HSD17B4: variants seen among roughly 807,000 people sequenced by gnomAD.
HSD17B4 encodes hydroxysteroid 17-beta dehydrogenase 4, also known as peroxisomal multifunctional enzyme type 2.
In HSD17B4, 70 loss-of-function variants were observed where a neutral mutation model predicts 101.0. That is an observed-to-expected ratio of 0.69 (90% CI 0.57 to 0.85). The LOEUF is 0.85. Among genes scored for constraint, HSD17B4 ranks in the 40% least tolerant of loss-of-function variants. The pLI is 0.00. For synonymous variants in HSD17B4, 347 were observed against 297.1 expected, an observed-to-expected ratio of 1.17 and a Z score of -1.73; for missense variants, 984 against 892.4, an observed-to-expected ratio of 1.10 and a Z score of -1.31.
chr5:119,541,665 G>A (rs1004462818), intron 23 of HSD17B4, among the ~76,000 whole-genome samples: 1 of 152,180 alleles, frequency 6.6e-6, no homozygotes, highest in South Asian at 2.1e-4. Context: ...AGATCCATGA[G>A]TTCAGATAAA....
chr5:119,466,054 A>G (rs1188983020), intron 2 of HSD17B4, among the ~76,000 whole-genome samples: 1 of 152,208 alleles, frequency 6.6e-6, no homozygotes, highest in East Asian at 1.9e-4. Context: ...ATGTTACCAC[A>G]TGCTTTCTCT....
intron 21 of HSD17B4, among the ~76,000 whole-genome samples, chr5:119,530,678 C>G (rs1049063108): frequency 6.6e-6 from 1 of 151,196 alleles, no homozygotes; most frequent in African/African-American, 2.4e-5. Context: ...CATGGTGAGA[C>G]TCCATCTCTA....
chr5:119,460,022 C>T (rs1035978554), intron 2 of HSD17B4, among the ~76,000 whole-genome samples: 2 of 152,026 alleles, frequency 1.3e-5, no homozygotes. Context: ...AGGTGCCTGC[C>T]ACCGTGCCCA....
rs548091069 is a variant in HSD17B4 at position 119,483,004 on chromosome 5, A to G, written c.622+3983A>G. Among the ~76,000 whole-genome samples, 229 of 152,062 alleles carry G rather than the reference A, an allele frequency of 1.5e-3. 1 individual carries two copies. The highest frequency in any genetic ancestry group is 5.4e-3 in the African/African-American group (223 of 41,492). On this transcript the variant is annotated intron_variant, in intron 8 of 23. Coordinates refer to ENST00000510025, the MANE Select transcript of HSD17B4 (RefSeq NM_000414.4). ...CCCTAGGTCAGACAAGGCTCTGGTA[A>G]AGTAGTTTCTCTTCAGAGCAGGCCT...
intron 17 of HSD17B4, among the ~76,000 whole-genome samples, chr5:119,523,004 CAA>C (rs1426016156): frequency 1.3e-5 from 2 of 151,664 alleles, no homozygotes; most frequent in Non-Finnish European, 2.9e-5. Flanking sequence ...AGAGGGTGCT[CAA>C]AAGTTAGCAC....
rs182457128 is a variant in HSD17B4 at position 119,525,415 on chromosome 5, C to T, written c.1573+130C>T. 1.1e-4 allele frequency: 76 copies of T among 697,634 alleles called. No homozygotes were observed. The African/African-American group carries it at 1.3e-3, about 12-fold the overall frequency. 43.2% of individuals were successfully genotyped at this position (697,634 alleles called of 1,614,324 possible). A position where few individuals can be genotyped will look rare whatever the true frequency, so the allele number is the denominator to read the frequency against. On this transcript the variant is annotated intron_variant, in intron 18 of 23. Coordinates refer to ENST00000510025, the MANE Select transcript of HSD17B4 (RefSeq NM_000414.4). ...TAAAAAAATGTTATTTTATTTATTA[C>T]ATTTATGCAAAGGATATGGAAAGGT...
At chr5:119,525,379 T>G in intron 18 of HSD17B4, 94 bp downstream of exon 18, 1 of 788,250 alleles carries the variant, frequency 1.3e-6, no homozygotes, top group Non-Finnish European at 2.2e-6. Context: ...ACTGGTAGTT[T>G]GAGTAGCATT....
At chr5:119,462,754 G>T (rs1755393287) in intron 2 of HSD17B4, among the ~76,000 whole-genome samples, 1 of 151,988 alleles carries the variant, frequency 6.6e-6, no homozygotes, top group Non-Finnish European at 1.5e-5. Context: ...TATTTATGGG[G>T]TACAGTGTGA....
intron 8 of HSD17B4, among the ~76,000 whole-genome samples, chr5:119,481,936 C>G (rs558409475): frequency 1.1e-4 from 16 of 152,068 alleles, no homozygotes; most frequent in African/African-American, 2.9e-4. Flanking sequence ...TGTCTTCTTC[C>G]AAGATTTTCT....
At chr5:119,510,783 C>T (rs994340499) in intron 16 of HSD17B4, among the ~76,000 whole-genome samples, 2 of 152,144 alleles carry the variant, frequency 1.3e-5, no homozygotes, top group Admixed American at 6.5e-5. Flanking sequence ...GAAACTGTAC[C>T]CCAGGCGTTT....
chr5:119,540,158 T>C (rs778779673), intron 23 of HSD17B4, among the ~76,000 whole-genome samples: 1 of 152,184 alleles, frequency 6.6e-6, no homozygotes, highest in Non-Finnish European at 1.5e-5. Flanking sequence ...TATGGCAGTT[T>C]ATAGTCTTAC....
Position 119,452,889 on chromosome 5 carries a change from G to C in HSD17B4, c.58+256G>C, listed in dbSNP as rs1175152087. ...AGGTCCTGCCTGAGAGGAGAGGCCA[G>C]GCTGGGCTGCTGATTGCAAAACTGG... On this transcript the variant is annotated intron_variant, in intron 1 of 23. Coordinates refer to ENST00000510025, the MANE Select transcript of HSD17B4 (RefSeq NM_000414.4). 5.2e-6 allele frequency: 8 copies of C among 1,527,362 alleles called. No homozygotes were observed. The African/African-American group carries it at 9.6e-5, about 18-fold the overall frequency. The allele number at this position is 1,527,362 out of a possible 1,614,324, so 94.6% of individuals were successfully genotyped here.
At chr5:119,495,702 G>T (rs1388684524) in intron 11 of HSD17B4, 2 of 187,288 alleles carry the variant, frequency 1.1e-5, no homozygotes, top group Non-Finnish European at 2.3e-5. Flanking sequence ...ACAGAGTCTT[G>T]TTCTGTCTCC....
rs532217315 is a variant in HSD17B4 at position 119,525,347 on chromosome 5, T to C, written c.1573+62T>C. 7.4e-5 allele frequency: 75 copies of C among 1,009,128 alleles called. No individual in the cohort carries two copies. The African/African-American group carries it at 1.1e-3, about 15-fold the overall frequency. The allele number at this position is 1,009,128 out of a possible 1,614,324, so 62.5% of individuals were successfully genotyped here. On this transcript the variant is annotated intron_variant, in intron 18 of 23. Coordinates refer to ENST00000510025, the MANE Select transcript of HSD17B4 (RefSeq NM_000414.4). ...AGCTATTCGATATTTAATTAAATAA[T>C]GTAAAGACACTACTACTTATGACTG...
chr5:119,525,118 A>G, intron 17 of HSD17B4, 98 bp from the exon 18 acceptor site: 1 of 778,346 alleles, frequency 1.3e-6, no homozygotes, highest in Non-Finnish European at 2.3e-6. Context: ...ACATTATGAT[A>G]CAATGCTTAT....
intron 7 of HSD17B4, 26 bp downstream of exon 7, chr5:119,477,527 G>A (rs753079914): frequency 4.5e-5 from 68 of 1,504,870 alleles, no homozygotes; most frequent in Non-Finnish European, 6.2e-5. Context: ...GTTGTCAAGG[G>A]GGATTTAAGA....
intron 2 of HSD17B4, among the ~76,000 whole-genome samples, chr5:119,467,606 C>T (rs538067005): frequency 1.8e-4 from 28 of 152,220 alleles, no homozygotes; most frequent in African/African-American, 5.5e-4. Flanking sequence ...GTAAGTGTAT[C>T]GTTGACTCTT....
At chr5:119,493,732 T>C in intron 10 of HSD17B4, 86 bp from the exon 11 acceptor site, 1 of 1,247,624 alleles carries the variant, frequency 8.0e-7, no homozygotes, top group Non-Finnish European at 1.2e-6. Context: ...ATTTCCTTTC[T>C]CTTTAAAAAT....
At chr5:119,462,710 TTTC>T (rs1393723604) in intron 2 of HSD17B4, among the ~76,000 whole-genome samples, 2 of 152,134 alleles carry the variant, frequency 1.3e-5, no homozygotes, top group Non-Finnish European at 2.9e-5. Flanking sequence ...TACCAATGAT[TTTC>T]TTTTCTTATT....
Sources: allele counts gnomAD v4.1 joint callset (sites outside exome capture counted in the v4.1 genomes callset), GRCh38; gene constraint gnomAD v4.1.1; transcripts MANE v1.5; gene names NCBI Gene and HGNC (gene_info 2026-07-23, HGNC 2026-07-21).